GUCY1A2: variants seen among roughly 807,000 people sequenced by gnomAD.
GUCY1A2 encodes guanylate cyclase 1 soluble subunit alpha 2.
In GUCY1A2, 27 loss-of-function variants were observed where a neutral mutation model predicts 63.5. That is an observed-to-expected ratio of 0.43 (90% confidence interval 0.31 to 0.59). The LOEUF (loss-of-function observed/expected upper bound fraction) is 0.59. GUCY1A2 is among the 20% of genes least tolerant of loss of function. The pLI is 0.11. For synonymous variants in GUCY1A2, 364 were observed against 343.5 expected (o/e 1.06, Z -0.66); for missense variants, 768 against 913.3 (o/e 0.84, Z 2.05).
At position 106,730,568 on chromosome 11, in the gene GUCY1A2, A is replaced by G. The variant is rs146137536; in HGVS notation, c.1837-21902T>C. 7.4e-3 allele frequency among the ~76,000 whole-genome samples: 1,126 copies of G among 152,230 alleles called. 21 individuals are homozygous for G. The highest frequency in any genetic ancestry group is 0.026 in the African/African-American group (1,060 of 41,540). On this transcript the variant is annotated intron_variant, in intron 6 of 7. Transcript: ENST00000526355. The stretch of plus-strand genomic sequence containing the variant: ...ATCTCGCTATTCTGAATAGTGCTGC[A>G]GTGAACATACACATGCATGTGTCTT...
intron 4 of GUCY1A2, among the ~76,000 whole-genome samples, chr11:106,889,350 G>A (rs1361608038): frequency 1.3e-5 from 2 of 152,114 alleles, no homozygotes; most frequent in African/African-American, 4.8e-5. Flanking sequence ...TCAGACAAAA[G>A]TCAAATGACA....
chr11:106,805,466 G>A (rs1288611889), intron 5 of GUCY1A2, among the ~76,000 whole-genome samples: 1 of 151,952 alleles, frequency 6.6e-6, no homozygotes, highest in Non-Finnish European at 1.5e-5. Flanking sequence ...GGCTGGTCTC[G>A]AACTCCTGAC....
chr11:106,868,860 T>G (rs1859633050), intron 4 of GUCY1A2, among the ~76,000 whole-genome samples: 1 of 152,138 alleles, frequency 6.6e-6, no homozygotes, highest in Admixed American at 6.6e-5. Flanking sequence ...CAAACCATAC[T>G]ACAAGGCTAC....
chr11:106,695,822 A>G (rs1186007250), intron 7 of GUCY1A2, among the ~76,000 whole-genome samples: 1 of 152,214 alleles, frequency 6.6e-6, no homozygotes, highest in East Asian at 1.9e-4. Flanking sequence ...TATGCGTTTT[A>G]AGGTTGCAAA....
At chr11:106,874,590 T>A (rs888501531) in intron 4 of GUCY1A2, among the ~76,000 whole-genome samples, 3 of 152,114 alleles carry the variant, frequency 2.0e-5, no homozygotes, top group African/African-American at 7.2e-5. Context: ...GTGCCACTTA[T>A]ACGTAGAATT....
At chr11:106,733,007 T>A (rs1240110601) in intron 6 of GUCY1A2, among the ~76,000 whole-genome samples, 2 of 152,194 alleles carry the variant, frequency 1.3e-5, no homozygotes, top group Non-Finnish European at 2.9e-5. Context: ...TTTGGAATAA[T>A]CACAGACAAC....
intron 1 of GUCY1A2, among the ~76,000 whole-genome samples, chr11:107,015,912 A>G (rs2120224238): frequency 6.6e-6 from 1 of 152,338 alleles, no homozygotes; most frequent in East Asian, 1.9e-4. Flanking sequence ...AGTGGCAGAA[A>G]GATATATCAA....
At chr11:106,851,190 TTTTG>T (rs1379889932) in intron 4 of GUCY1A2, among the ~76,000 whole-genome samples, 2 of 147,944 alleles carry the variant, frequency 1.4e-5, no homozygotes, top group Admixed American at 1.3e-4. Context: ...ATGGGTTTTT[TTTTG>T]TTTTGTTTTG....
intron 4 of GUCY1A2, among the ~76,000 whole-genome samples, chr11:106,907,355 T>C (rs940327905): frequency 3.3e-5 from 5 of 152,108 alleles, no homozygotes; most frequent in African/African-American, 9.7e-5. Flanking sequence ...TGACAATTCA[T>C]TTGTCTGGGA....
In GUCY1A2 at chr11:106,918,105, G is replaced by A. The variant is rs775026776; in HGVS notation, c.1206+21355C>T. Among the ~76,000 whole-genome samples the A allele has an allele frequency of 2.1e-5, 3 of 144,074 alleles. 1 individual carries two copies. Among genetic ancestry groups the A allele is most frequent in the Non-Finnish European group, 4.7e-5 (3 of 64,272 alleles). 94.5% of individuals were successfully genotyped at this position (144,074 alleles called of 152,430 possible). ...TCTGGGTAGAACAGAGAAGGAGAAC[G>A]AAGGGTATAACGCCCCTGTTTGCAT... On this transcript the variant is annotated intron_variant, in intron 4 of 7. Transcript: ENST00000526355.
intron 3 of GUCY1A2, among the ~76,000 whole-genome samples, chr11:106,945,662 T>A (rs969355496): frequency 6.6e-6 from 1 of 152,208 alleles, no homozygotes; most frequent in Admixed American, 6.5e-5. Flanking sequence ...GTATGAACAT[T>A]AATTTTAAAT....
chr11:106,866,962 C>T (rs960205182), intron 4 of GUCY1A2, among the ~76,000 whole-genome samples: 5 of 152,014 alleles, frequency 3.3e-5, no homozygotes, highest in African/African-American at 1.2e-4. Flanking sequence ...CAAATTTCCA[C>T]AAGCCCTAGG....
chr11:106,681,553 A>G lies in GUCY1A2; in HGVS notation c.*5996T>C, dbSNP rs1030031360. The G allele has an allele frequency of 9.0e-6, 2 of 221,982 alleles. No homozygotes were observed. The highest frequency in any genetic ancestry group is 4.5e-5 in the African/African-American group (2 of 44,732). The allele number at this position is 221,982 out of a possible 1,614,324, so 13.8% of individuals were successfully genotyped here. A position where few individuals can be genotyped will look rare whatever the true frequency, so the allele number is the denominator to read the frequency against. On this transcript the variant is annotated 3_prime_UTR_variant, in exon 8 of 8. Transcript: ENST00000526355. ...AAAATTATGCACCAGAAATAATCTG[A>G]TGTATATTAATCACTTTACAGCATG... is the stretch of plus-strand genomic sequence containing the variant.
At chr11:106,897,083 AAATAC>A (rs1484577588) in intron 4 of GUCY1A2, among the ~76,000 whole-genome samples, 9 of 152,342 alleles carry the variant, frequency 5.9e-5, no homozygotes, top group East Asian at 3.9e-4. Context: ...TTAAAATTAA[AAATAC>A]AATACATTTA....
chr11:106,867,364 A>G (rs1227932610), intron 4 of GUCY1A2, among the ~76,000 whole-genome samples: 15 of 152,118 alleles, frequency 9.9e-5, no homozygotes, highest in Non-Finnish European at 2.2e-4. Context: ...AGACATACGT[A>G]TCAGACACCA....
intron 5 of GUCY1A2, 26 bp from the exon 6 acceptor site, chr11:106,776,608 C>T: frequency 3.7e-6 from 6 of 1,605,728 alleles, no homozygotes; most frequent in Non-Finnish European, 5.1e-6. Context: ...AAATCAAATG[C>T]AAACGTATGA....
chr11:106,773,631 A>G (rs1196740277), intron 6 of GUCY1A2, among the ~76,000 whole-genome samples: 1 of 152,202 alleles, frequency 6.6e-6, no homozygotes, highest in African/African-American at 2.4e-5. Context: ...TCCACTAGCT[A>G]TGGGTGAGAT....
chr11:106,791,428 A>G (rs1227389108), intron 5 of GUCY1A2, among the ~76,000 whole-genome samples: 2 of 152,164 alleles, frequency 1.3e-5, no homozygotes, highest in Non-Finnish European at 2.9e-5. Context: ...TATGAAGTTT[A>G]AATCAGATAC....
intron 1 of GUCY1A2, among the ~76,000 whole-genome samples, chr11:107,014,357 G>C (rs897234651): frequency 2.4e-4 from 36 of 152,034 alleles, no homozygotes; most frequent in African/African-American, 8.5e-4. Flanking sequence ...AAAGTGCTGG[G>C]ATTACAGGCA....
Sources: gnomAD v4.1 joint callset for allele counts (sites outside exome capture counted in the v4.1 genomes callset) on GRCh38, gnomAD v4.1.1 for gene constraint, MANE v1.5 for transcripts, NCBI Gene and HGNC (gene_info 2026-07-23, HGNC 2026-07-21) for gene names.